Variants in EWSR1 observed in about 807,000 individuals in gnomAD.
EWSR1 encodes EWS RNA binding protein 1.
Under a neutral mutation model 92.1 loss-of-function variants are expected in EWSR1, and 14 were observed. The ratio of observed to expected loss-of-function variants is 0.15; its 90% CI spans 0.10 to 0.24. The LOEUF (loss-of-function observed/expected upper bound fraction) is 0.24. Among genes scored for constraint, EWSR1 ranks in the 10% least tolerant of loss-of-function variants. The pLI is 1.00. For missense variants in EWSR1, 637 were observed against 870.9 expected (o/e 0.73, Z 3.38); for synonymous variants, 303 against 292.9 (o/e 1.03, Z -0.35).
chr22:29,273,411 C>T (rs189929984), intron 3 of EWSR1, among the ~76,000 whole-genome samples: 2 of 152,316 alleles, frequency 1.3e-5, no homozygotes, highest in South Asian at 2.1e-4. Context: ...TTGCTCTTCC[C>T]TTGAGAGTGT....
Position 29,299,364 on chromosome 22 carries a change from T to G in EWSR1, c.1678+33T>G. The G allele has an allele frequency of 2.5e-6, 4 of 1,599,354 alleles. No individual in the cohort carries two copies. In the South Asian group the frequency reaches 4.4e-5, roughly 18 times the overall value. ...CAGGTTTCATGAGTGTCCCCTCAGC[T>G]TCCTGGTGCTAAACCTCTTTTCTTA... On this transcript the variant is annotated intron_variant, in intron 15 of 16. Coordinates refer to ENST00000397938, the MANE Select transcript of EWSR1 (RefSeq NM_005243.4).
chr22:29,281,254 A>G (rs567877008), intron 5 of EWSR1, among the ~76,000 whole-genome samples: 15 of 152,114 alleles, frequency 9.9e-5, no homozygotes, highest in African/African-American at 2.4e-4. Context: ...ACATCATGCA[A>G]TCCACCTGCC....
At chr22:29,270,826 CAGAG>C (rs750772189) in intron 1 of EWSR1, among the ~76,000 whole-genome samples, 5 of 151,904 alleles carry the variant, frequency 3.3e-5, no homozygotes, top group South Asian at 2.1e-4. Flanking sequence ...GTTTTAATGT[CAGAG>C]AGAGTATGAC....
chr22:29,273,980 C>G, intron 4 of EWSR1, 116 bp downstream of exon 4: 1 of 1,340,472 alleles, frequency 7.5e-7, no homozygotes, highest in Non-Finnish European at 1.0e-6. Context: ...TCTGGGGAAT[C>G]CTTTATTCTT....
intron 6 of EWSR1, among the ~76,000 whole-genome samples, chr22:29,285,346 T>C (rs1470113945): frequency 3.4e-5 from 5 of 146,002 alleles, no homozygotes; most frequent in East Asian, 4.1e-4. Context: ...GGTCTCAAAC[T>C]CCTGACCTCA....
intron 1 of EWSR1, 48 bp from the exon 2 acceptor site, chr22:29,272,168 C>T (rs1320526446): frequency 3.8e-6 from 6 of 1,568,824 alleles, no homozygotes; most frequent in African/African-American, 2.7e-5. Context: ...TTCTCTTCTC[C>T]TTGTTTCTGC....
chr22:29,297,707 A>G lies in EWSR1; in HGVS notation c.1295-120A>G, dbSNP rs993537653. 3.7e-6 allele frequency: 5 copies of G among 1,359,642 alleles called. No individual in the cohort carries two copies. The African/African-American group carries it at 7.3e-5, about 20-fold the overall frequency. The allele number at this position is 1,359,642 out of a possible 1,614,324, so 84.2% of individuals were successfully genotyped here. On this transcript the variant is annotated intron_variant, in intron 12 of 16. Transcript: ENST00000397938. ...AGCCTTTTTCTGGCCTTGTCATTAA[A>G]GATCTTAGAGAAGATTACAGGCAGA...
chr22:29,276,211 G>A (rs2059113456), intron 4 of EWSR1: 1 of 230,292 alleles, frequency 4.3e-6, no homozygotes, highest in South Asian at 1.8e-4. Context: ...ATGAACGGTA[G>A]GGTAGATGGT....
chr22:29,285,017 C>A (rs2059912149), intron 6 of EWSR1, among the ~76,000 whole-genome samples: 1 of 151,004 alleles, frequency 6.6e-6, no homozygotes, highest in South Asian at 2.1e-4. Flanking sequence ...CGGTGTTTTT[C>A]CATGTTGGTC....
intron 11 of EWSR1, among the ~76,000 whole-genome samples, chr22:29,293,955 G>A (rs1645766887): frequency 6.6e-6 from 1 of 152,042 alleles, no homozygotes; most frequent in African/African-American, 2.4e-5. Context: ...TTGGTTTACT[G>A]TAACCTCTGC....
intron 4 of EWSR1, chr22:29,277,527 A>G (rs373398505): frequency 3.5e-5 from 8 of 228,118 alleles, no homozygotes; most frequent in East Asian, 1.3e-4. Context: ...ATTAATTACT[A>G]CCCAAATTAC....
At chr22:29,297,276 G>A (rs887248390) in intron 12 of EWSR1, among the ~76,000 whole-genome samples, 3 of 152,184 alleles carry the variant, frequency 2.0e-5, no homozygotes, top group Admixed American at 1.3e-4. Context: ...TCAGCCACTC[G>A]AGTAGCTGCT....
chr22:29,297,228 G>A (rs1472057541), intron 12 of EWSR1, among the ~76,000 whole-genome samples: 1 of 152,152 alleles, frequency 6.6e-6, no homozygotes, highest in Non-Finnish European at 1.5e-5. Context: ...TCAGCTTACT[G>A]CAACCTCCAC....
chr22:29,298,080 CAATG>C lies in EWSR1; in HGVS notation c.1417+136_1417+139del. The C allele has an allele frequency of 3.8e-6, 4 of 1,052,594 alleles. No homozygotes were observed. The Middle Eastern group carries it at 8.6e-4, about 226-fold the overall frequency. The allele number at this position is 1,052,594 out of a possible 1,614,324, so 65.2% of individuals were successfully genotyped here. Reference sequence around the variant, plus strand: ...TCAATACTAGACTATCGAGAGCTAACAATGAATGTTTGTTGGGAATAAAAGGAAG... The same window carrying C: ...TCAATACTAGACTATCGAGAGCTAACAATGTTTGTTGGGAATAAAAGGAAG... On this transcript the variant is annotated intron_variant, in intron 13 of 16. Coordinates refer to ENST00000397938, the MANE Select transcript of EWSR1 (RefSeq NM_005243.4).
intron 7 of EWSR1, among the ~76,000 whole-genome samples, chr22:29,287,533 A>T (rs1200804269): frequency 6.6e-6 from 1 of 151,996 alleles, no homozygotes; most frequent in Non-Finnish European, 1.5e-5. Flanking sequence ...GAACAGGGGG[A>T]ATACTCTTTG....
Position 29,299,765 on chromosome 22 carries a change from A to C in EWSR1, c.1845A>C (p.Arg615=), listed in dbSNP as rs749797583. 1.9e-6 allele frequency: 3 copies of C among 1,606,980 alleles called. No individual in the cohort carries two copies. Among genetic ancestry groups the C allele is most frequent in the East Asian group, 2.2e-5 (1 of 44,758 alleles). The stretch of plus-strand genomic sequence containing the variant: ...GAGGTGGCTTTGGTGGAGGAAGACG[A>C]GGTGGCCCTGGGGGGCCCCCTGGAC... ...MDRGGFGGGR[R]GGPGGPPGPL... Residue 615 remains arginine (R), a synonymous_variant, in exon 16 of 17, where the codon CGA becomes CGC. Coordinates refer to ENST00000397938, the MANE Select transcript of EWSR1 (RefSeq NM_005243.4).
chr22:29,268,469 C>T (rs1201021054), intron 1 of EWSR1, 120 bp downstream of exon 1: 7 of 1,556,170 alleles, frequency 4.5e-6, no homozygotes, highest in Admixed American at 1.7e-5. Context: ...GTTGAGGCAC[C>T]CGCCGCGGCC....
intron 5 of EWSR1, among the ~76,000 whole-genome samples, chr22:29,279,078 C>A (rs1334493476): frequency 6.6e-6 from 1 of 151,796 alleles, no homozygotes; most frequent in Non-Finnish European, 1.5e-5. Context: ...TCAGAATGAC[C>A]TTTTAGGGTA....
chr22:29,284,742 T>TA (rs1363509486), intron 6 of EWSR1, among the ~76,000 whole-genome samples: 1 of 151,348 alleles, frequency 6.6e-6, no homozygotes, highest in Non-Finnish European at 1.5e-5. Context: ...AATCGGACTT[T>TA]AAAATATGTG....
Sources: allele counts gnomAD v4.1 joint callset (sites outside exome capture counted in the v4.1 genomes callset), GRCh38; gene constraint gnomAD v4.1.1; transcripts MANE v1.5; gene names NCBI Gene and HGNC (gene_info 2026-07-23, HGNC 2026-07-21).